ATAD2B: variants seen among roughly 807,000 people sequenced by gnomAD.
ATAD2B encodes the protein ATPase family AAA domain containing 2B, also known as ATPase family AAA domain-containing protein 2B.
Under a neutral mutation model 167.6 loss-of-function variants are expected in ATAD2B, and 40 were observed. That is an observed-to-expected ratio of 0.24 (90% confidence interval 0.19 to 0.31). The LOEUF (loss-of-function observed/expected upper bound fraction) is 0.31, where lower values mean the gene tolerates loss of function less well. ATAD2B is among the 10% of genes least tolerant of loss of function. The pLI is 1.00. For synonymous variants in ATAD2B, 579 were observed against 596.5 expected, an observed-to-expected ratio of 0.97 and a Z score of 0.43; for missense variants, 1,242 against 1,757.2, an observed-to-expected ratio of 0.71 and a Z score of 5.24.
chr2:23,824,844 C>T (rs1045879656), intron 15 of ATAD2B, among the ~76,000 whole-genome samples: 1 of 152,176 alleles, frequency 6.6e-6, no homozygotes, highest in African/African-American at 2.4e-5. Flanking sequence ...ATTAAACTTG[C>T]ATTTGGCCAC....
At chr2:23,757,127 T>C (rs1277452741) in intron 25 of ATAD2B, among the ~76,000 whole-genome samples, 1 of 152,164 alleles carries the variant, frequency 6.6e-6, no homozygotes, top group Non-Finnish European at 1.5e-5. Context: ...CATAAATCCC[T>C]GAGGCTAGGG....
chr2:23,691,911 AAG>A, the ATAD2B span: 8 of 1,536,446 alleles, frequency 5.2e-6, no homozygotes, highest in Non-Finnish European at 6.1e-6. Flanking sequence ...GCTTGGGGGG[AAG>A]AGTGCAGATG....
chr2:23,797,777 G>C (rs1392441096), intron 19 of ATAD2B, among the ~76,000 whole-genome samples: 6 of 152,048 alleles, frequency 3.9e-5, no homozygotes, highest in African/African-American at 1.4e-4. Flanking sequence ...ACAAAGTTTT[G>C]ACTGCAACCC....
chr2:23,743,280 G>A, the ATAD2B span, among the ~76,000 whole-genome samples: 3 of 152,138 alleles, frequency 2.0e-5, no homozygotes, highest in Non-Finnish European at 4.4e-5. Flanking sequence ...ACTAACAAGA[G>A]TTGGGGCCAG....
chr2:23,892,351 A>C (rs1164317708), intron 2 of ATAD2B, among the ~76,000 whole-genome samples: 2 of 152,012 alleles, frequency 1.3e-5, no homozygotes, highest in East Asian at 3.9e-4. Context: ...TTTTTAGTAG[A>C]GACGGGGTTT....
At chr2:23,771,803 C>A (rs1224785014) in intron 22 of ATAD2B, among the ~76,000 whole-genome samples, 1 of 152,192 alleles carries the variant, frequency 6.6e-6, no homozygotes, top group Non-Finnish European at 1.5e-5. Flanking sequence ...TTTTCTCACA[C>A]ATATGCACTA....
At chr2:23,680,342 G>A in the ATAD2B span, among the ~76,000 whole-genome samples, 11 of 152,082 alleles carry the variant, frequency 7.2e-5, no homozygotes, top group Non-Finnish European at 1.3e-4. The surrounding 1 kb of genome is among the most constrained non-coding windows in gnomAD (Gnocchi z 4.1). Context: ...GCGCTGAGTC[G>A]AGCATCCTGG....
intron 24 of ATAD2B, among the ~76,000 whole-genome samples, chr2:23,760,283 T>C (rs1676484941): frequency 6.6e-6 from 1 of 152,140 alleles, no homozygotes; most frequent in Admixed American, 6.5e-5. Context: ...CAAGAAGAGA[T>C]TTTTGTTTTA....
At chr2:23,779,738 A>T (rs900558896) in intron 22 of ATAD2B, among the ~76,000 whole-genome samples, 12 of 152,194 alleles carry the variant, frequency 7.9e-5, no homozygotes, top group Non-Finnish European at 1.2e-4. Context: ...ATAATGTTGG[A>T]GAAATATATT....
the ATAD2B span, among the ~76,000 whole-genome samples, chr2:23,679,259 GCAGTTTGGACTA>G: frequency 0.033 from 4,998 of 152,268 alleles, 100 homozygotes; most frequent in South Asian, 0.09. Flanking sequence ...TCCTGGTTTA[GCAGTTTGGACTA>G]CACTCAGCCA....
the ATAD2B span, among the ~76,000 whole-genome samples, chr2:23,692,212 G>A: frequency 6.6e-6 from 1 of 152,210 alleles, no homozygotes; most frequent in Non-Finnish European, 1.5e-5. Context: ...TGGCCTCACA[G>A]TCCTGTTCTC....
intron 6 of ATAD2B, chr2:23,883,510 TA>T: frequency 1.4e-6 from 1 of 735,126 alleles, no homozygotes; most frequent in South Asian, 1.8e-5. Flanking sequence ...GCAGAATTTC[TA>T]AATATGGCAT....
chr2:23,691,845 C>T, the ATAD2B span: 2 of 1,551,280 alleles, frequency 1.3e-6, no homozygotes, highest in South Asian at 2.4e-5. Flanking sequence ...TCCAGTTCCA[C>T]ACCTTCTGCA....
At chr2:23,788,189 C>G (rs1681108826) in intron 20 of ATAD2B, 2 of 242,156 alleles carry the variant, frequency 8.3e-6, no homozygotes, top group Non-Finnish European at 1.6e-5. Context: ...CAGTTCAACT[C>G]CTGGGTACTT....
chr2:23,923,580 GT>G (rs981777072), intron 1 of ATAD2B, among the ~76,000 whole-genome samples: 1 of 148,254 alleles, frequency 6.7e-6, no homozygotes, highest in African/African-American at 2.5e-5. Context: ...ATGCGGTGGT[GT>G]TTTCACAAAT....
chr2:23,818,295 G>GGAGAGAGA (rs10559796), intron 17 of ATAD2B, among the ~76,000 whole-genome samples: 1 of 121,480 alleles, frequency 8.2e-6, no homozygotes. Flanking sequence ...GAGGGAGGGG[G>GGAGAGAGA]GAGAGAGAGA....
At chr2:23,921,205 CAAA>C (rs61004964) in intron 1 of ATAD2B, among the ~76,000 whole-genome samples, 31 of 32,286 alleles carry the variant, frequency 9.6e-4, no homozygotes, top group African/African-American at 3.5e-3. Flanking sequence ...GACTCCATCT[CAAA>C]AAAAAAAAAA....
At chr2:23,861,149 CTT>C (rs34830213) in intron 12 of ATAD2B, among the ~76,000 whole-genome samples, 13 of 136,288 alleles carry the variant, frequency 9.5e-5, no homozygotes, top group Admixed American at 3.0e-4. Context: ...TGTTTTTTTC[CTT>C]TTTTTTTTTT....
chr2:23,706,830 C>CAAAGGCGAGGATGATT, the ATAD2B span: 1 of 554,942 alleles, frequency 1.8e-6, no homozygotes, highest in Non-Finnish European at 3.0e-6. Flanking sequence ...GAAAATCATC[C>CAAAGGCGAGGATGATT]TCGCCTTTGG....
Sources: gnomAD v4.1 joint callset for allele counts (sites outside exome capture counted in the v4.1 genomes callset) on GRCh38, gnomAD v4.1.1 for gene constraint, Gnocchi (gnomAD v3.1) non-coding constraint, MANE v1.5 for transcripts, NCBI Gene and HGNC (gene_info 2026-07-23, HGNC 2026-07-21) for gene names.